Variants in PSME4 observed in about 807,000 individuals in gnomAD.
PSME4 encodes proteasome activator complex subunit 4.
In PSME4, 89 loss-of-function variants were observed where a neutral mutation model predicts 253.9. The ratio of observed to expected loss-of-function variants is 0.35; its 90% confidence interval spans 0.30 to 0.42. The LOEUF (loss-of-function observed/expected upper bound fraction) is 0.42. Among genes scored for constraint, PSME4 ranks in the 10% least tolerant of loss-of-function variants. The pLI, the probability that PSME4 is intolerant of heterozygous loss-of-function variation, is 1.00. For missense variants in PSME4, 2,014 were observed against 2,195.2 expected (o/e 0.92, Z 1.65); for synonymous variants, 851 against 759.2 (o/e 1.12, Z -1.99).
At chr2:53,922,447 A>G (rs1668369338) in intron 17 of PSME4, 70 bp downstream of exon 17, 1 of 1,511,000 alleles carries the variant, frequency 6.6e-7, no homozygotes, top group Non-Finnish European at 9.1e-7. Flanking sequence ...ATTTTGTCAG[A>G]AAGAGCTAAA....
rs760123346 is a variant in PSME4 at position 53,937,378 on chromosome 2, T to C, written c.695+13A>G. On this transcript the variant is annotated intron_variant, in intron 5 of 46. Transcript: ENST00000404125. ...CGTATTTTTAGAATTTGTCAAGATATGAACATACTTACTTAAAACCTTTAT... is the reference window on the plus strand; with the variant it reads ...CGTATTTTTAGAATTTGTCAAGATACGAACATACTTACTTAAAACCTTTAT... 23 of 1,555,710 alleles carry C rather than the reference T, an allele frequency of 1.5e-5. No homozygotes were observed. Among genetic ancestry groups the C allele is most frequent in the Admixed American group, 4.0e-5 (2 of 50,026 alleles).
chr2:53,953,928 G>A (rs1670113817), intron 1 of PSME4, among the ~76,000 whole-genome samples: 1 of 152,194 alleles, frequency 6.6e-6, no homozygotes, highest in Non-Finnish European at 1.5e-5. Context: ...TCCTCCCACA[G>A]GGGAAGAACA....
At chr2:53,908,211 A>G (rs968953893) in intron 24 of PSME4, 109 bp downstream of exon 24, 75 of 783,980 alleles carry the variant, frequency 9.6e-5, no homozygotes, top group Middle Eastern at 3.6e-4. Flanking sequence ...TAAATCTACT[A>G]TTTTTCCTTT....
In PSME4 at chr2:53,951,618, G is replaced by C. The variant is rs537450140; in HGVS notation, c.243-2335C>G. Among the ~76,000 whole-genome samples the C allele has an allele frequency of 2.1e-3, 324 of 152,280 alleles. 1 individual carries two copies. The highest frequency in any genetic ancestry group is 3.7e-3 in the Admixed American group (56 of 15,284). ...TCTTGTTTTGGTTCTGCCAGTACAG[G>C]TTGAATACCTTTAATCCGAAAATCC... is the stretch of plus-strand genomic sequence containing the variant. On this transcript the variant is annotated intron_variant, in intron 1 of 46. Transcript: ENST00000404125.
intron 37 of PSME4, among the ~76,000 whole-genome samples, chr2:53,889,837 C>T (rs1036480073): frequency 1.3e-5 from 2 of 152,132 alleles, no homozygotes; most frequent in African/African-American, 4.8e-5. Flanking sequence ...TTAAGAGTTA[C>T]TTCTCAAGAC....
chr2:53,891,082 T>C lies in PSME4; in HGVS notation c.4192-874A>G, dbSNP rs529032495. ...GACTGATGTGTTCTTAAAAATCTTG[T>C]ATAATAGTACGCTAGGCTGAAACAA... On this transcript the variant is annotated intron_variant, in intron 36 of 46. Coordinates refer to ENST00000404125, the MANE Select transcript of PSME4 (RefSeq NM_014614.3). Among the ~76,000 whole-genome samples the C allele has an allele frequency of 1.2e-4, 18 of 152,320 alleles. 1 individual carries two copies. The South Asian group carries it at 3.7e-3, about 32-fold the overall frequency.
intron 1 of PSME4, among the ~76,000 whole-genome samples, chr2:53,969,849 C>A (rs1276640819): frequency 1.8e-4 from 28 of 152,150 alleles, no homozygotes; most frequent in Admixed American, 1.6e-3. Flanking sequence ...CAGTGCTCTT[C>A]CCTACTTTCC....
intron 1 of PSME4, among the ~76,000 whole-genome samples, chr2:53,965,477 A>C (rs1457097102): frequency 3.3e-5 from 5 of 151,928 alleles, no homozygotes; most frequent in Non-Finnish European, 7.4e-5. Context: ...CAGCCTCCCA[A>C]AGTGCAGGGA....
At chr2:53,912,788 T>C (rs1247284442) in intron 20 of PSME4, among the ~76,000 whole-genome samples, 2 of 152,216 alleles carry the variant, frequency 1.3e-5, no homozygotes, top group African/African-American at 4.8e-5. Flanking sequence ...TAGAAGATTT[T>C]TTACTAAAAG....
intron 1 of PSME4, among the ~76,000 whole-genome samples, chr2:53,969,624 C>A (rs567876393): frequency 9.2e-5 from 14 of 151,382 alleles, no homozygotes; most frequent in African/African-American, 3.4e-4. Flanking sequence ...GCTCTTCGGA[C>A]ACAGTAAAGA....
Position 53,949,169 on chromosome 2 carries a change from A to G in PSME4, c.357T>C (p.Phe119=), listed in dbSNP as rs771734619. 6.2e-7 allele frequency: 1 copy of G among 1,604,218 alleles called. No homozygotes were observed. Among genetic ancestry groups the G allele is most frequent in the East Asian group, 2.2e-5 (1 of 44,554 alleles). Residue 119 remains phenylalanine (F), a synonymous_variant, in exon 2 of 47, where the codon TTT becomes TTC. Coordinates refer to ENST00000404125, the MANE Select transcript of PSME4 (RefSeq NM_014614.3). ...TTAACAAGTTGATCAAAAGGCGGGC[A>G]AATCCCTGCATCATGCTGATTTCCA... is the stretch of plus-strand genomic sequence containing the variant. ...PKLEISMMQG[F]ARLLINLLKK...
At chr2:53,924,024 T>C (rs1209921606) in intron 14 of PSME4, among the ~76,000 whole-genome samples, 2 of 151,854 alleles carry the variant, frequency 1.3e-5, no homozygotes, top group African/African-American at 4.8e-5. Flanking sequence ...AATTTAATTG[T>C]CTTTCTGGCT....
intron 35 of PSME4, among the ~76,000 whole-genome samples, chr2:53,893,364 T>A (rs1487452878): frequency 3.3e-5 from 5 of 152,172 alleles, no homozygotes; most frequent in African/African-American, 1.2e-4. Context: ...GTCCATGACA[T>A]AAAATGGTAT....
At chr2:53,950,360 A>G (rs536244719) in intron 1 of PSME4, among the ~76,000 whole-genome samples, 1 of 152,262 alleles carries the variant, frequency 6.6e-6, no homozygotes, top group South Asian at 2.1e-4. Context: ...ATGACCAATT[A>G]AAACACTGCT....
intron 8 of PSME4, among the ~76,000 whole-genome samples, chr2:53,934,223 C>G (rs1396722359): frequency 6.6e-6 from 1 of 152,090 alleles, no homozygotes; most frequent in African/African-American, 2.4e-5. Context: ...GCTTTATGTT[C>G]AATGCAATGT....
At chr2:53,917,809 A>G (rs2104448754) in intron 20 of PSME4, among the ~76,000 whole-genome samples, 1 of 152,328 alleles carries the variant, frequency 6.6e-6, no homozygotes, top group Non-Finnish European at 1.5e-5. Context: ...GAAGCCTCTT[A>G]TTTTTAAATA....
At chr2:53,891,728 G>A (rs966459816) in intron 36 of PSME4, among the ~76,000 whole-genome samples, 7 of 151,896 alleles carry the variant, frequency 4.6e-5, no homozygotes, top group South Asian at 2.1e-4. Context: ...ACAAGGTGGC[G>A]CATGCCTGTA....
intron 16 of PSME4, 128 bp downstream of exon 16, chr2:53,922,912 TGGAGACAAA>T: frequency 2.7e-6 from 2 of 728,248 alleles, no homozygotes; most frequent in Non-Finnish European, 4.3e-6. Flanking sequence ...ATATCTTTTT[TGGAGACAAA>T]TTTTCCCCAA....
At chr2:53,867,343 A>G (rs1214416942) in intron 44 of PSME4, among the ~76,000 whole-genome samples, 1 of 152,072 alleles carries the variant, frequency 6.6e-6, no homozygotes, top group African/African-American at 2.4e-5. Context: ...TGTCTCTGCT[A>G]AAAATACAAA....
Sources: allele counts gnomAD v4.1 joint callset (sites outside exome capture counted in the v4.1 genomes callset), GRCh38; gene constraint gnomAD v4.1.1; transcripts MANE v1.5; gene names NCBI Gene and HGNC (gene_info 2026-07-23, HGNC 2026-07-21).